ANKRD31: variants seen among roughly 807,000 people sequenced by gnomAD.
ANKRD31 encodes the protein ankyrin repeat domain 31.
A neutral mutation model predicts 186.0 loss-of-function variants in ANKRD31; 147 were observed. The ratio of observed to expected loss-of-function variants is 0.79; its 90% CI spans 0.69 to 0.91. The LOEUF (loss-of-function observed/expected upper bound fraction) is 0.91, where lower values mean the gene tolerates loss of function less well. Ranked by LOEUF, ANKRD31 falls within the 40% of genes least tolerant of loss-of-function variation. The pLI, the probability that ANKRD31 is intolerant of heterozygous loss-of-function variation, is 0.00. For synonymous variants in ANKRD31, 673 were observed against 736.4 expected, an observed-to-expected ratio of 0.91 and a Z score of 1.39; for missense variants, 1,986 against 2,148.8, an observed-to-expected ratio of 0.92 and a Z score of 1.50.
intron 10 of ANKRD31, among the ~76,000 whole-genome samples, chr5:75,171,605 A>G (rs1580475732): frequency 6.6e-6 from 1 of 151,986 alleles, no homozygotes; most frequent in South Asian, 2.1e-4. Context: ...AAAAGAACAG[A>G]AATCAATAAA....
At position 75,205,555 on chromosome 5, in the gene ANKRD31, C is replaced by T. The variant is rs542390285; in HGVS notation, c.403+856G>A. ...ACCCACATACTTGGTATTTAGTAGG[C>T]TTAATAAGTATTTGTTAAAAGAATA... On this transcript the variant is annotated intron_variant, in intron 5 of 25. Transcript: ENST00000506364. Among the ~76,000 whole-genome samples, 8 of 152,258 alleles carry T rather than the reference C, an allele frequency of 5.3e-5. No homozygotes were observed. The South Asian group carries it at 1.7e-3, about 32-fold the overall frequency.
chr5:75,204,425 G>C (rs964362134), intron 5 of ANKRD31, among the ~76,000 whole-genome samples: 1 of 152,088 alleles, frequency 6.6e-6, no homozygotes, highest in Non-Finnish European at 1.5e-5. Flanking sequence ...CTTCACAAAG[G>C]TTATTTTTTG....
intron 1 of ANKRD31, among the ~76,000 whole-genome samples, chr5:75,233,283 G>A (rs1315114256): frequency 1.3e-5 from 2 of 151,674 alleles, no homozygotes; most frequent in Admixed American, 6.6e-5. Context: ...GGCTGGTCTC[G>A]AACTCCTGAC....
In ANKRD31 at chr5:75,137,866, T is replaced by C. The variant is rs1750716824; in HGVS notation, c.3866A>G (p.Asn1289Ser). The C allele has an allele frequency of 1.3e-6, 2 of 1,524,310 alleles. No homozygotes were observed. The highest frequency in any genetic ancestry group is 1.8e-6 in the Non-Finnish European group (2 of 1,141,776). The allele number at this position is 1,524,310 out of a possible 1,614,324, so 94.4% of individuals were successfully genotyped here. A position where few individuals can be genotyped will look rare whatever the true frequency, so the allele number is the denominator to read the frequency against. The change falls in exon 17 of 26, where the codon AAT (asparagine) becomes AGT (serine). Residue 1289 changes from asparagine (N) to serine (S), a missense_variant. Asn to Ser is a conservative substitution (Grantham distance 46). Coordinates refer to ENST00000506364, the MANE Select transcript of ANKRD31 (RefSeq NM_001372053.1). ...TGATGTGCACTGTACCTTTAAATGA[T>C]TGTTTGCAACAGCATCATGTAAGGG... is the stretch of plus-strand genomic sequence containing the variant. ...ILPLHDAVAN[N>S]HLKAAEILLQ...
chr5:75,236,828 G>C lies in ANKRD31; in HGVS notation c.-142C>G. The C allele has an allele frequency of 1.4e-6, 1 of 703,660 alleles. No individual in the cohort carries two copies. The highest frequency in any genetic ancestry group is 2.1e-5 in the South Asian group (1 of 47,384). The allele number at this position is 703,660 out of a possible 1,614,324, so 43.6% of individuals were successfully genotyped here. A position where few individuals can be genotyped will look rare whatever the true frequency, so the allele number is the denominator to read the frequency against. ...GCAGCAGGAGCCGGGACTTGTCGCA[G>C]GGCTGCTGAGGAGGACGCAGGCGGC... On this transcript the variant is annotated 5_prime_UTR_variant, in exon 1 of 26. Coordinates refer to ENST00000506364, the MANE Select transcript of ANKRD31 (RefSeq NM_001372053.1).
chr5:75,104,563 C>T lies in ANKRD31; in HGVS notation c.4996G>A (p.Asp1666Asn). 1 of 1,536,508 alleles carries T rather than the reference C, an allele frequency of 6.5e-7. No homozygotes were observed. The highest frequency in any genetic ancestry group is 2.4e-5 in the East Asian group (1 of 40,902). The change falls in exon 22 of 26, where the codon GAC (aspartate) becomes AAC (asparagine). Residue 1666 changes from aspartate to asparagine, a missense_variant. Coordinates refer to ENST00000506364, the MANE Select transcript of ANKRD31 (RefSeq NM_001372053.1). ...AHPSNIICDQDLSNYDPKRGN... is the reference protein window; with the variant it reads ...AHPSNIICDQNLSNYDPKRGN... ...CTTTTGGGATCATAATTGGAAAGGT[C>T]CTGATCACAAATAATATTTGATGGA...
chr5:75,214,527 C>G lies in ANKRD31; in HGVS notation c.289-3662G>C, dbSNP rs1169282863. Among the ~76,000 whole-genome samples the G allele has an allele frequency of 2.6e-5, 4 of 152,296 alleles. No individual in the cohort carries two copies. The East Asian group carries it at 5.8e-4, about 22-fold the overall frequency. On this transcript the variant is annotated intron_variant, in intron 3 of 25. Coordinates refer to ENST00000506364, the MANE Select transcript of ANKRD31 (RefSeq NM_001372053.1). The stretch of plus-strand genomic sequence containing the variant: ...AGTAAGAGAGAATGCTACCTGCCCA[C>G]GGGGGCTTTAAAAGACCATGCAGTG...
intron 21 of ANKRD31, among the ~76,000 whole-genome samples, chr5:75,106,344 TA>T: frequency 6.6e-6 from 1 of 152,196 alleles, no homozygotes; most frequent in East Asian, 1.9e-4. Context: ...AGCAATAATA[TA>T]GATATATCTT....
At chr5:75,120,859 C>T (rs1157059398) in intron 17 of ANKRD31, among the ~76,000 whole-genome samples, 2 of 151,938 alleles carry the variant, frequency 1.3e-5, no homozygotes, top group East Asian at 1.9e-4. Context: ...TATATGCTGC[C>T]CACAAGAAAC....
At chr5:75,229,386 T>A (rs1322605934) in intron 2 of ANKRD31, among the ~76,000 whole-genome samples, 1 of 152,184 alleles carries the variant, frequency 6.6e-6, no homozygotes, top group African/African-American at 2.4e-5. Context: ...AAAGGCTATA[T>A]GGGTGGCACT....
At chr5:75,187,771 C>CT (rs1419820747) in intron 10 of ANKRD31, among the ~76,000 whole-genome samples, 1 of 152,124 alleles carries the variant, frequency 6.6e-6, no homozygotes, top group Admixed American at 6.6e-5. Context: ...AAATCACTTG[C>CT]TTGTCCCTGG....
intron 10 of ANKRD31, among the ~76,000 whole-genome samples, chr5:75,183,326 A>T (rs1754463231): frequency 6.6e-6 from 1 of 152,174 alleles, no homozygotes; most frequent in Non-Finnish European, 1.5e-5. Context: ...AACAGGGAAA[A>T]GTTGAAAGTT....
At chr5:75,107,660 G>T in intron 20 of ANKRD31, 43 bp from the exon 21 acceptor site, 2 of 1,242,000 alleles carry the variant, frequency 1.6e-6, no homozygotes, top group Non-Finnish European at 2.2e-6. Context: ...GAGGGAGAGT[G>T]AATGTCAAAT....
At chr5:75,189,561 T>A (rs975288502) in intron 9 of ANKRD31, among the ~76,000 whole-genome samples, 5 of 152,230 alleles carry the variant, frequency 3.3e-5, no homozygotes, top group Non-Finnish European at 5.9e-5. Flanking sequence ...TCTACATTCT[T>A]GTATACCAGA....
Position 75,105,139 on chromosome 5 carries a change from C to A in ANKRD31, c.4420G>T (p.Val1474Phe). Reference sequence around the variant, plus strand: ...ATTTTTTTCTGTTTTTTTGCCACAACTAAAAGGCTCTTCTGTCTTGCAGCC... The same window carrying A: ...ATTTTTTTCTGTTTTTTTGCCACAAATAAAAGGCTCTTCTGTCTTGCAGCC... ...NLAARQKSLL[V>F]VAKKQKKISL... Residue 1474 changes from valine to phenylalanine, a missense_variant, in exon 22 of 26, where the codon GTT becomes TTT. Coordinates refer to ENST00000506364, the MANE Select transcript of ANKRD31 (RefSeq NM_001372053.1). 1 of 1,536,922 alleles carries A rather than the reference C, an allele frequency of 6.5e-7. No individual in the cohort carries two copies. The highest frequency in any genetic ancestry group is 8.7e-7 in the Non-Finnish European group (1 of 1,146,808).
intron 10 of ANKRD31, among the ~76,000 whole-genome samples, chr5:75,177,712 C>T (rs1009507225): frequency 2.6e-5 from 4 of 152,070 alleles, no homozygotes; most frequent in East Asian, 1.9e-4. Context: ...CAGGCCTGCC[C>T]TAAAAGAGCT....
intron 2 of ANKRD31, among the ~76,000 whole-genome samples, chr5:75,224,158 TATGTATATATATATATATATAC>T (rs1318145558): frequency 3.7e-4 from 18 of 49,128 alleles, no homozygotes; most frequent in African/African-American, 2.8e-3. Context: ...TATATATATA[TATGTATATATATATATATATAC>T]ACACATTTCT....
At chr5:75,097,725 C>G (rs1008834999) in intron 22 of ANKRD31, among the ~76,000 whole-genome samples, 2 of 152,172 alleles carry the variant, frequency 1.3e-5, no homozygotes. Context: ...GTCATGAAGT[C>G]CTTGCCCATG....
chr5:75,117,441 G>T (rs1314937625), intron 18 of ANKRD31, among the ~76,000 whole-genome samples: 1 of 152,144 alleles, frequency 6.6e-6, no homozygotes, highest in African/African-American at 2.4e-5. Flanking sequence ...GCCCTCTGGT[G>T]AAATATAACA....
Sources: gnomAD v4.1 joint callset for allele counts (sites outside exome capture counted in the v4.1 genomes callset) on GRCh38, gnomAD v4.1.1 for gene constraint, MANE v1.5 for transcripts, NCBI Gene and HGNC (gene_info 2026-07-23, HGNC 2026-07-21) for gene names.